AATF: variants seen among roughly 807,000 people sequenced by gnomAD.
The protein encoded by AATF is apoptosis antagonizing transcription factor.
A neutral mutation model predicts 63.7 loss-of-function variants in AATF; 48 were observed. The observed-to-expected ratio is 0.75, with a 90% CI of 0.60 to 0.96. The LOEUF is 0.96. Ranked by LOEUF, AATF falls within the 40% of genes least tolerant of loss-of-function variation. The pLI is 0.00. For synonymous variants in AATF, 258 were observed against 247.7 expected (o/e 1.04, Z -0.39); for missense variants, 639 against 685.7 (o/e 0.93, Z 0.76).
At chr17:37,047,813 A>G (rs2142322261) in intron 11 of AATF, among the ~76,000 whole-genome samples, 1 of 152,296 alleles carries the variant, frequency 6.6e-6, no homozygotes, top group South Asian at 2.1e-4. Flanking sequence ...GTCCACTTGG[A>G]AACGAGTCGT....
chr17:37,055,167 G>C (rs2071787769), intron 11 of AATF: 1 of 152,256 alleles, frequency 6.6e-6, no homozygotes, highest in South Asian at 2.1e-4. Flanking sequence ...GGTAGTTCAG[G>C]GTGAAGGCAC....
At chr17:37,000,933 C>T (rs976319447) in intron 8 of AATF, among the ~76,000 whole-genome samples, 1 of 151,416 alleles carries the variant, frequency 6.6e-6, no homozygotes, top group African/African-American at 2.4e-5. Flanking sequence ...GCCTGGCTAA[C>T]AGAAGGAAAC....
At chr17:37,053,141 AC>A (rs1484409620) in intron 11 of AATF, among the ~76,000 whole-genome samples, 5 of 151,976 alleles carry the variant, frequency 3.3e-5, no homozygotes, top group African/African-American at 1.2e-4. Flanking sequence ...TTGATGCTGA[AC>A]CCTCCTTCAT....
rs1022029256 is a variant in AATF at position 36,990,807 on chromosome 17, C to T, written c.1348C>T (p.Leu450=). The change falls in exon 8 of 12, where the codon CTG becomes TTG. Residue 450 remains leucine (L), a synonymous_variant. Transcript: ENST00000619387. The part of the protein sequence containing the change: ...ILPQAPANAH[L]KDLDEEIFDD... ...TCCTCAAGCCCCTGCTAATGCTCAT[C>T]TGAAGGACTTGGATGAAGAAATCTT... The T allele has an allele frequency of 6.3e-7, 1 of 1,593,766 alleles. No homozygotes were observed. Among genetic ancestry groups the T allele is most frequent in the Non-Finnish European group, 8.5e-7 (1 of 1,173,140 alleles).
intron 5 of AATF, among the ~76,000 whole-genome samples, chr17:36,988,068 C>T (rs990783177): frequency 6.6e-6 from 1 of 152,172 alleles, no homozygotes; most frequent in African/African-American, 2.4e-5. Flanking sequence ...AATCCCAGCA[C>T]TTTGGGAGGC....
At chr17:36,957,560 A>G (rs1204256137) in intron 4 of AATF, among the ~76,000 whole-genome samples, 1 of 152,236 alleles carries the variant, frequency 6.6e-6, no homozygotes, top group Non-Finnish European at 1.5e-5. Context: ...TTACGACGCT[A>G]TGGAAAGATG....
intron 11 of AATF, among the ~76,000 whole-genome samples, chr17:37,040,726 A>T (rs908196768): frequency 4.2e-5 from 5 of 119,126 alleles, no homozygotes; most frequent in Admixed American, 2.0e-4. Flanking sequence ...GGGGGGGGGA[A>T]CTTCTTTAGA....
chr17:36,952,320 C>T (rs566053807), intron 2 of AATF, among the ~76,000 whole-genome samples: 2 of 152,370 alleles, frequency 1.3e-5, no homozygotes, highest in African/African-American at 4.8e-5. Flanking sequence ...ATATCTACCA[C>T]TCCCACCAGA....
At chr17:37,053,376 C>A (rs1241360769) in intron 11 of AATF, among the ~76,000 whole-genome samples, 1 of 151,916 alleles carries the variant, frequency 6.6e-6, no homozygotes, top group Admixed American at 6.6e-5. Flanking sequence ...TAATGTCAAA[C>A]AATTAAAATA....
chr17:37,024,617 C>A (rs1055069776), intron 10 of AATF, among the ~76,000 whole-genome samples: 18 of 152,144 alleles, frequency 1.2e-4, no homozygotes, highest in African/African-American at 4.3e-4. Context: ...TGTAGTGAGT[C>A]ATTGAAAGAT....
chr17:36,978,574 A>G (rs2071096582), intron 4 of AATF, among the ~76,000 whole-genome samples: 2 of 152,078 alleles, frequency 1.3e-5, no homozygotes, highest in African/African-American at 2.4e-5. Context: ...AGAGCTCACC[A>G]ACAAACTGGG....
intron 11 of AATF, among the ~76,000 whole-genome samples, chr17:37,034,502 A>C (rs2142304628): frequency 6.6e-6 from 1 of 152,282 alleles, no homozygotes; most frequent in Non-Finnish European, 1.5e-5. Flanking sequence ...TTCCTCAAGT[A>C]AATACTTTTG....
chr17:36,966,881 G>A (rs1244615732), intron 4 of AATF, among the ~76,000 whole-genome samples: 1 of 152,020 alleles, frequency 6.6e-6, no homozygotes, highest in Non-Finnish European at 1.5e-5. Flanking sequence ...TGGGATTACA[G>A]GCATGAGCCA....
chr17:37,006,029 G>A (rs1249729326), intron 8 of AATF, among the ~76,000 whole-genome samples: 7 of 152,132 alleles, frequency 4.6e-5, no homozygotes, highest in Admixed American at 3.9e-4. Flanking sequence ...CAGCTACTCA[G>A]GAGGCTGAGG....
chr17:37,029,201 G>A (rs1470907775), intron 10 of AATF, among the ~76,000 whole-genome samples: 1 of 152,038 alleles, frequency 6.6e-6, no homozygotes, highest in Non-Finnish European at 1.5e-5. Flanking sequence ...TGGGACTACA[G>A]GCACATGCCA....
At chr17:37,018,255 G>A (rs1408183052) in intron 8 of AATF, among the ~76,000 whole-genome samples, 1 of 152,198 alleles carries the variant, frequency 6.6e-6, no homozygotes, top group Non-Finnish European at 1.5e-5. Context: ...AGGTACAGAT[G>A]TAGATTTCAA....
intron 7 of AATF, 108 bp downstream of exon 7, chr17:36,989,519 A>AG: frequency 8.4e-7 from 1 of 1,190,662 alleles, no homozygotes; most frequent in Non-Finnish European, 1.1e-6. Flanking sequence ...AGTGAGAGAA[A>AG]GGAAAGCAAC....
chr17:37,034,518 C>A (rs1022953880), intron 11 of AATF: 3 of 151,974 alleles, frequency 2.0e-5, no homozygotes, highest in African/African-American at 7.3e-5. Flanking sequence ...TTTTGGTTTT[C>A]CTAAGTTATA....
chr17:37,003,086 G>A (rs1003754348), intron 8 of AATF, among the ~76,000 whole-genome samples: 1 of 152,108 alleles, frequency 6.6e-6, no homozygotes, highest in Non-Finnish European at 1.5e-5. Flanking sequence ...TGTGGTGCTG[G>A]CATAAGGCTA....
Sources: gnomAD v4.1 joint callset for allele counts (sites outside exome capture counted in the v4.1 genomes callset) on GRCh38, gnomAD v4.1.1 for gene constraint, MANE v1.5 for transcripts, NCBI Gene and HGNC (gene_info 2026-07-23, HGNC 2026-07-21) for gene names.